DNAH7: variants seen among roughly 807,000 people sequenced by gnomAD.
The protein encoded by DNAH7 is dynein axonemal heavy chain 7.
A neutral mutation model predicts 444.6 loss-of-function variants in DNAH7; 397 were observed. That is an observed-to-expected ratio of 0.89 (90% CI 0.82 to 0.97). The LOEUF is 0.97. DNAH7 is among the 50% of genes least tolerant of loss of function. The pLI is 0.00. For synonymous variants in DNAH7, 1,636 were observed against 1,624.4 expected (o/e 1.01, Z -0.17); for missense variants, 4,902 against 4,800.8 (o/e 1.02, Z -0.62).
At chr2:195,825,366 T>C (rs983491488) in intron 48 of DNAH7, among the ~76,000 whole-genome samples, 14 of 152,232 alleles carry the variant, frequency 9.2e-5, no homozygotes, top group African/African-American at 3.4e-4. Context: ...CCACACATAG[T>C]TGAGACTAAA....
Position 195,806,834 on chromosome 2 carries a change from T to C in DNAH7, c.10084-2A>G. 6.2e-7 allele frequency: 1 copy of C among 1,610,332 alleles called. No individual in the cohort carries two copies. Among genetic ancestry groups the C allele is most frequent in the Non-Finnish European group, 8.5e-7 (1 of 1,177,390 alleles). Reference sequence around the variant, plus strand: ...AGGGAAAACCTCATGGTGTGGTTCCTAAAATTACAGTGTAAATAATTCAGT... The same window carrying C: ...AGGGAAAACCTCATGGTGTGGTTCCCAAAATTACAGTGTAAATAATTCAGT... On this transcript the variant is annotated splice_acceptor_variant, in intron 53 of 64. Transcript: ENST00000312428. LOFTEE classifies it high-confidence loss of function.
At chr2:195,780,415 TATG>T (rs936135905) in intron 58 of DNAH7, among the ~76,000 whole-genome samples, 1 of 152,198 alleles carries the variant, frequency 6.6e-6, no homozygotes, top group African/African-American at 2.4e-5. Flanking sequence ...CTTTTACTTC[TATG>T]ATGTTTATGA....
At position 196,026,818 on chromosome 2, in the gene DNAH7, T is replaced by C. The variant is rs1330544083; in HGVS notation, c.609A>G (p.Ile203Met). The C allele has an allele frequency of 6.2e-7, 1 of 1,612,740 alleles. No homozygotes were observed. The highest frequency in any genetic ancestry group is 8.5e-7 in the Non-Finnish European group (1 of 1,179,072). The change falls in exon 7 of 65, where the codon ATA becomes ATG. Residue 203 changes from isoleucine to methionine, a missense_variant. By Grantham distance (10) the Ile-to-Met change is conservative. Transcript: ENST00000312428. Reference sequence around the variant, plus strand: ...CTCTCATTTCATCAGATAATGTAACTATGCTGTCAGTGAAGACTTTCAGAT... The same window carrying C: ...CTCTCATTTCATCAGATAATGTAACCATGCTGTCAGTGAAGACTTTCAGAT... ...PQHLKVFTDS[I>M]VTLSDEMRED...
In DNAH7 at chr2:195,999,269, T is replaced by C. The variant is rs770054471; in HGVS notation, c.1353+1435A>G. 32 of 712,170 alleles carry C rather than the reference T, an allele frequency of 4.5e-5. No individual in the cohort carries two copies. In the South Asian group the frequency reaches 4.8e-4, roughly 11 times the overall value. 44.1% of individuals were successfully genotyped at this position (712,170 alleles called of 1,614,324 possible). ...TGTAGAGGAAAAAAACAAAAGATGG[T>C]TGCCTTAAGAATTTGTAACCACAAG... is the stretch of plus-strand genomic sequence containing the variant. On this transcript the variant is annotated intron_variant, in intron 12 of 64. Transcript: ENST00000312428.
chr2:195,958,359 T>A (rs1220431331), intron 18 of DNAH7, among the ~76,000 whole-genome samples: 6 of 152,244 alleles, frequency 3.9e-5, no homozygotes, highest in Non-Finnish European at 8.8e-5. Flanking sequence ...TTCTCCAGCC[T>A]ACTTTAAGAA....
Position 196,048,370 on chromosome 2 carries a change from G to A in DNAH7, c.176C>T (p.Pro59Leu), listed in dbSNP as rs1697261194. ...STKPHWQQAA[P>L]SFHLSVKQDD... ...CTGCTTTACACTCAAATGGAATGATGGAGCTGCCTGCTGCCAGTGGGGCTT... is the reference window on the plus strand; with the variant it reads ...CTGCTTTACACTCAAATGGAATGATAGAGCTGCCTGCTGCCAGTGGGGCTT... Residue 59 changes from proline (P) to leucine (L), a missense_variant, in exon 4 of 65, where the codon CCA becomes CTA. By Grantham distance (98) the Pro-to-Leu change is moderately conservative (BLOSUM62 -3). Coordinates refer to ENST00000312428, the MANE Select transcript of DNAH7 (RefSeq NM_018897.3). 1.2e-6 allele frequency: 2 copies of A among 1,613,842 alleles called. No homozygotes were observed. The highest frequency in any genetic ancestry group is 1.7e-5 in the Admixed American group (1 of 59,998).
chr2:195,769,258 G>T (rs552959510), intron 61 of DNAH7, among the ~76,000 whole-genome samples: 5 of 151,874 alleles, frequency 3.3e-5, no homozygotes, highest in Admixed American at 2.0e-4. Context: ...TAGTGATGGG[G>T]TCTTACTGTT....
intron 15 of DNAH7, among the ~76,000 whole-genome samples, chr2:195,976,772 A>AGAGAGAGAGAGAGAGAGAGAGG (rs1692230742): frequency 6.6e-6 from 1 of 151,160 alleles, no homozygotes; most frequent in Non-Finnish European, 1.5e-5. Context: ...AGAGAGAGAG[A>AGAGAGAGAGAGAGAGAGAGAGG]GAGAGAGAGA....
At chr2:195,919,181 C>T (rs188601736) in intron 24 of DNAH7, among the ~76,000 whole-genome samples, 220 of 146,954 alleles carry the variant, frequency 1.5e-3, no homozygotes, top group Non-Finnish European at 2.4e-3. Context: ...ACCAGGGAGT[C>T]GGAGGTTGCA....
At chr2:195,934,394 G>T (rs1391073444) in intron 21 of DNAH7, among the ~76,000 whole-genome samples, 197 bp downstream of exon 21, 1 of 152,094 alleles carries the variant, frequency 6.6e-6, no homozygotes, top group Admixed American at 6.6e-5. Context: ...ATGGTATTTT[G>T]TCCCACTTTT....
intron 1 of DNAH7, among the ~76,000 whole-genome samples, chr2:196,066,683 G>T (rs1698446221): frequency 6.6e-6 from 1 of 152,146 alleles, no homozygotes; most frequent in African/African-American, 2.4e-5. Flanking sequence ...GAAAAGCCCA[G>T]ACTGCTATTC....
At chr2:195,886,810 C>G (rs1043510141) in intron 33 of DNAH7, among the ~76,000 whole-genome samples, 1 of 152,098 alleles carries the variant, frequency 6.6e-6, no homozygotes, top group East Asian at 1.9e-4. Flanking sequence ...GTGTAATGCT[C>G]CTAGAACTAT....
rs1057313497 is a variant in DNAH7, at chr2:195,978,502, T to G, written c.1834-6036A>C. Among the ~76,000 whole-genome samples, 28 of 151,510 alleles carry G rather than the reference T, an allele frequency of 1.8e-4. No individual in the cohort carries two copies. In the East Asian group the frequency reaches 4.8e-3, roughly 26 times the overall value. On this transcript the variant is annotated intron_variant, in intron 15 of 64. Transcript: ENST00000312428. ...AGGAGAAAAAGAAGGAAGAGAAGACTGCAAAACAACCAGAAAACAAATGAC... is the reference window on the plus strand; with the variant it reads ...AGGAGAAAAAGAAGGAAGAGAAGACGGCAAAACAACCAGAAAACAAATGAC...
chr2:196,022,409 TG>T (rs1223221710), intron 8 of DNAH7, among the ~76,000 whole-genome samples: 1 of 152,226 alleles, frequency 6.6e-6, no homozygotes, highest in African/African-American at 2.4e-5. Flanking sequence ...TCAATCCTCT[TG>T]AACTCTGATG....
chr2:195,931,841 T>C (rs1688720374), intron 21 of DNAH7, among the ~76,000 whole-genome samples: 1 of 152,246 alleles, frequency 6.6e-6, no homozygotes, highest in Non-Finnish European at 1.5e-5. Flanking sequence ...TAGTATAGTT[T>C]GAAGTCAGGT....
chr2:196,028,376 T>C (rs182294505), intron 5 of DNAH7, among the ~76,000 whole-genome samples: 3 of 152,282 alleles, frequency 2.0e-5, no homozygotes, highest in African/African-American at 7.2e-5. Flanking sequence ...GCATTATTCC[T>C]AAAATATGTA....
intron 5 of DNAH7, among the ~76,000 whole-genome samples, chr2:196,046,966 T>G (rs2125848494): frequency 6.6e-6 from 1 of 152,318 alleles, no homozygotes; most frequent in Non-Finnish European, 1.5e-5. Context: ...CTGCACACAC[T>G]GCTGACCATT....
chr2:195,998,484 G>A (rs1185754165), intron 12 of DNAH7, among the ~76,000 whole-genome samples: 4 of 151,270 alleles, frequency 2.6e-5, no homozygotes, highest in Non-Finnish European at 4.4e-5. Flanking sequence ...TGAGCAGCAG[G>A]AGAATGGTGT....
chr2:195,836,707 AAAATAT>A (rs995773971), intron 47 of DNAH7, among the ~76,000 whole-genome samples: 11 of 152,174 alleles, frequency 7.2e-5, no homozygotes, highest in African/African-American at 2.4e-4. Flanking sequence ...GAAAGAAATA[AAAATAT>A]AAATATATAA....
Sources: gnomAD v4.1 joint callset for allele counts (sites outside exome capture counted in the v4.1 genomes callset) on GRCh38, gnomAD v4.1.1 for gene constraint, MANE v1.5 for transcripts, NCBI Gene and HGNC (gene_info 2026-07-23, HGNC 2026-07-21) for gene names.